The following AGL variants were observed in gnomAD, a reference collection of about 807,000 sequenced individuals.
The protein encoded by AGL is amylo-alpha-1,6-glucosidase and 4-alpha-glucanotransferase, also known as glycogen debranching enzyme.
Under a neutral mutation model 199.3 loss-of-function variants are expected in AGL, and 128 were observed. The observed-to-expected ratio is 0.64, with a 90% CI of 0.56 to 0.74. AGL has a LOEUF of 0.74. AGL is among the 30% of genes least tolerant of loss of function. The pLI is 0.00. For synonymous variants in AGL, 584 were observed against 594.7 expected (o/e 0.98, Z 0.26); for missense variants, 1,809 against 1,820.8 (o/e 0.99, Z 0.12).
chr1:99,895,242 G>T (rs894874491), intron 24 of AGL, among the ~76,000 whole-genome samples: 1 of 152,042 alleles, frequency 6.6e-6, no homozygotes, highest in South Asian at 2.1e-4. Flanking sequence ...TGGAGATGGG[G>T]TTTCACCATG....
At chr1:99,894,812 A>G (rs906271859) in intron 24 of AGL, among the ~76,000 whole-genome samples, 1 of 152,166 alleles carries the variant, frequency 6.6e-6, no homozygotes, top group Non-Finnish European at 1.5e-5. Flanking sequence ...ATAGGTATAT[A>G]TTATATACAG....
At position 99,861,384 on chromosome 1, in the gene AGL, A is replaced by G. The variant is rs1184298132; in HGVS notation, c.83-119A>G. 3.9e-6 allele frequency: 6 copies of G among 1,547,560 alleles called. No individual in the cohort carries two copies. In the East Asian group the frequency reaches 1.5e-4, roughly 37 times the overall value. The stretch of plus-strand genomic sequence containing the variant: ...TGCCAAAACAGCATTAGGTTTGCGG[A>G]GTTATTTTAAACATAATTGAAAAAT... On this transcript the variant is annotated intron_variant, in intron 2 of 33. Transcript: ENST00000361915.
At chr1:99,863,711 A>G (rs1231471611) in intron 4 of AGL, among the ~76,000 whole-genome samples, 3 of 148,478 alleles carry the variant, frequency 2.0e-5, no homozygotes, top group Non-Finnish European at 4.4e-5. Flanking sequence ...AGCCTCCCAA[A>G]GTGCTGGGAT....
At chr1:99,851,410 GC>G (rs1648943895) in intron 2 of AGL, among the ~76,000 whole-genome samples, 1 of 152,098 alleles carries the variant, frequency 6.6e-6, no homozygotes, top group East Asian at 1.9e-4. Context: ...TCAGAAGATT[GC>G]CCATATTATT....
intron 33 of AGL, among the ~76,000 whole-genome samples, chr1:99,918,806 G>T (rs563153101): frequency 1.1e-3 from 169 of 152,228 alleles, no homozygotes; most frequent in African/African-American, 3.8e-3. Context: ...AATAGCATTT[G>T]GTCTAGGAAT....
intron 27 of AGL, among the ~76,000 whole-genome samples, chr1:99,907,457 T>G (rs1317910098): frequency 3.9e-5 from 6 of 152,154 alleles, no homozygotes; most frequent in Non-Finnish European, 8.8e-5. Context: ...TCAATTCTTT[T>G]GGGTATCTAC....
intron 5 of AGL, among the ~76,000 whole-genome samples, chr1:99,869,289 TCTC>T (rs1466427032): frequency 6.6e-6 from 1 of 152,226 alleles, no homozygotes; most frequent in Non-Finnish European, 1.5e-5. Flanking sequence ...TATTACAACT[TCTC>T]TGCTCCTTAC....
chr1:99,912,223 A>G (rs1654796063), intron 28 of AGL, among the ~76,000 whole-genome samples, 182 bp from the exon 29 acceptor site: 4 of 152,200 alleles, frequency 2.6e-5, no homozygotes, highest in Non-Finnish European at 2.9e-5. Context: ...ATGATAGACA[A>G]TGGCAAAACC....
chr1:99,855,008 C>G (rs944688869), intron 2 of AGL, among the ~76,000 whole-genome samples: 1 of 151,982 alleles, frequency 6.6e-6, no homozygotes, highest in Admixed American at 6.5e-5. Flanking sequence ...TGAGACCTGC[C>G]TGGCCAACAT....
At position 99,910,707 on chromosome 1, in the gene AGL, T is replaced by G. The variant is rs1057523410; in HGVS notation, c.3701-5T>G. On this transcript the variant is annotated splice_polypyrimidine_tract_variant and splice_region_variant and intron_variant, in intron 27 of 33. Coordinates refer to ENST00000361915, the MANE Select transcript of AGL (RefSeq NM_000642.3). ...ATTTTATTTTATACACATTTTGTTT[T>G]TTAGGTTTTAATATAACTGCAGGAG... The G allele has an allele frequency of 6.3e-7, 1 of 1,576,200 alleles. No homozygotes were observed.
intron 4 of AGL, among the ~76,000 whole-genome samples, chr1:99,863,671 G>A (rs559361151): frequency 6.8e-4 from 103 of 150,864 alleles, no homozygotes; most frequent in Non-Finnish European, 1.3e-3. Flanking sequence ...GGATGGTCTC[G>A]ATCTCCTGAC....
At chr1:99,861,847 T>TCTA in intron 3 of AGL, 134 bp downstream of exon 3, 1 of 1,032,138 alleles carries the variant, frequency 9.7e-7, no homozygotes, top group Non-Finnish European at 1.5e-6. Flanking sequence ...GCAAATAGAA[T>TCTA]ATTCTTTGAT....
intron 2 of AGL, among the ~76,000 whole-genome samples, chr1:99,857,477 T>G (rs1649610992): frequency 6.6e-6 from 1 of 151,034 alleles, no homozygotes; most frequent in Non-Finnish European, 1.5e-5. Flanking sequence ...GAGGTGGAGG[T>G]TGTAGTGAGC....
intron 10 of AGL, 116 bp downstream of exon 10, chr1:99,875,571 T>G: frequency 1.1e-6 from 1 of 921,792 alleles, no homozygotes; most frequent in Non-Finnish European, 1.7e-6. Flanking sequence ...TTTCTTAAAT[T>G]GAAATAGAAG....
At chr1:99,891,789 A>C (rs1439015888) in intron 23 of AGL, 50 bp downstream of exon 23, 1 of 1,604,338 alleles carries the variant, frequency 6.2e-7, no homozygotes, top group East Asian at 2.2e-5. Context: ...TTGAAACTAT[A>C]TACAGAGTCA....
At chr1:99,861,841 A>G (rs1650066208) in intron 3 of AGL, 128 bp downstream of exon 3, 1 of 1,071,236 alleles carries the variant, frequency 9.3e-7, no homozygotes, top group Non-Finnish European at 1.4e-6. Context: ...TGAGATGCAA[A>G]TAGAATATTC....
intron 7 of AGL, among the ~76,000 whole-genome samples, chr1:99,872,734 G>A (rs1651127062): frequency 7.2e-5 from 11 of 151,944 alleles, no homozygotes; most frequent in Admixed American, 7.2e-4. Context: ...TCACCATGTT[G>A]GCCAGGATGG....
At position 99,921,572 on chromosome 1, in the gene AGL, A is replaced by G. The variant is rs1012058155; in HGVS notation, c.4520A>G (p.Asn1507Ser). Residue 1507 changes from asparagine to serine, a missense_variant, in exon 34 of 34, where the codon AAT becomes AGT. By Grantham distance (46) the Asn-to-Ser change is conservative. Coordinates refer to ENST00000361915, the MANE Select transcript of AGL (RefSeq NM_000642.3). ...WKGLPELTNENAQYCPFSCET... is the reference protein window; with the variant it reads ...WKGLPELTNESAQYCPFSCET... ...GGACTTCCAGAACTGACCAATGAGAATGCCCAGTACTGTCCTTTCAGCTGT... is the reference window on the plus strand; with the variant it reads ...GGACTTCCAGAACTGACCAATGAGAGTGCCCAGTACTGTCCTTTCAGCTGT... 5.6e-6 allele frequency: 9 copies of G among 1,613,042 alleles called. No homozygotes were observed. Among genetic ancestry groups the G allele is most frequent in the Non-Finnish European group, 7.6e-6 (9 of 1,179,388 alleles).
At chr1:99,896,247 T>C (rs1265210595) in intron 24 of AGL, 39 bp from the exon 25 acceptor site, 2 of 1,505,608 alleles carry the variant, frequency 1.3e-6, no homozygotes, top group Non-Finnish European at 1.8e-6. Context: ...TGTGTATTAT[T>C]ATGATTAACA....
Sources: allele counts gnomAD v4.1 joint callset (sites outside exome capture counted in the v4.1 genomes callset), GRCh38; gene constraint gnomAD v4.1.1; transcripts MANE v1.5; gene names NCBI Gene and HGNC (gene_info 2026-07-23, HGNC 2026-07-21).